DIPK1A: variants seen among roughly 807,000 people sequenced by gnomAD.
DIPK1A encodes divergent protein kinase domain 1A.
Under a neutral mutation model 40.8 loss-of-function variants are expected in DIPK1A, and 27 were observed. The ratio of observed to expected loss-of-function variants is 0.66; its 90% CI spans 0.49 to 0.91. The LOEUF (loss-of-function observed/expected upper bound fraction) is 0.91. DIPK1A is among the 40% of genes least tolerant of loss of function. The pLI is 0.00. For synonymous variants in DIPK1A, 166 were observed against 171.3 expected, an observed-to-expected ratio of 0.97 and a Z score of 0.24; for missense variants, 412 against 505.7, an observed-to-expected ratio of 0.81 and a Z score of 1.78.
chr1:92,835,139 G>C, intron 4 of DIPK1A: 1 of 599,926 alleles, frequency 1.7e-6, no homozygotes, highest in Admixed American at 2.8e-5. Context: ...TGCCACTAGC[G>C]ACCTGCAGCT....
chr1:92,959,923 T>TTTTTTTTTTTTTTTC, intron 1 of DIPK1A, among the ~76,000 whole-genome samples: 1 of 126,202 alleles, frequency 7.9e-6, no homozygotes, highest in Non-Finnish European at 1.7e-5. Flanking sequence ...TTTTTTTTTT[T>TTTTTTTTTTTTTTTC]TTTTGTATTT....
rs1553125720 is a variant in DIPK1A at position 92,861,321 on chromosome 1, C to CTCTTTT, written c.190-10367_190-10366insAAAAGA. Among the ~76,000 whole-genome samples, 33 of 83,548 alleles carry CTCTTTT rather than the reference C, an allele frequency of 3.9e-4. 1 individual carries two copies. Among genetic ancestry groups the CTCTTTT allele is most frequent in the East Asian group, 7.8e-4 (2 of 2,576 alleles). The allele number at this position is 83,548 out of a possible 152,430, so 54.8% of individuals were successfully genotyped here. A position where few individuals can be genotyped will look rare whatever the true frequency, so the allele number is the denominator to read the frequency against. Reference sequence around the variant, plus strand: ...AATAGCTTTTCTATTCTCTCTCTCTCTTTTTTTTTTTTTTTTTTTTTTTGA... The same window carrying CTCTTTT: ...AATAGCTTTTCTATTCTCTCTCTCTCTCTTTTTTTTTTTTTTTTTTTTTTTTTTTGA... On this transcript the variant is annotated intron_variant, in intron 2 of 4. Coordinates refer to ENST00000370310, the MANE Select transcript of DIPK1A (RefSeq NM_001006605.5).
chr1:92,930,088 C>T (rs1650686344), intron 1 of DIPK1A, among the ~76,000 whole-genome samples: 1 of 152,200 alleles, frequency 6.6e-6, no homozygotes, highest in Non-Finnish European at 1.5e-5. Flanking sequence ...TCCCTCTAGC[C>T]TTATTCCTTG....
intron 4 of DIPK1A, among the ~76,000 whole-genome samples, chr1:92,834,104 T>C (rs1687023058): frequency 6.6e-6 from 1 of 152,124 alleles, no homozygotes; most frequent in African/African-American, 2.4e-5. Flanking sequence ...ACCTAGTTTA[T>C]GTGTGTGGGG....
chr1:92,892,467 A>ACAGAAAGGACATCCACAC (rs980979079), intron 1 of DIPK1A, among the ~76,000 whole-genome samples: 12 of 152,134 alleles, frequency 7.9e-5, no homozygotes, highest in South Asian at 4.1e-4. Context: ...AAACTAACAA[A>ACAGAAAGGACATCCACAC]CAGAAAGGAC....
intron 1 of DIPK1A, 21 bp downstream of exon 1, chr1:92,961,355 G>A: frequency 1.3e-6 from 2 of 1,495,644 alleles, no homozygotes; most frequent in Non-Finnish European, 1.8e-6. Context: ...GCAGCTGGTG[G>A]CTGGGCGGCC....
At position 92,900,490 on chromosome 1, in the gene DIPK1A, T is replaced by C. The variant is rs184429963; in HGVS notation, c.55-24060A>G. On this transcript the variant is annotated intron_variant, in intron 1 of 4. Coordinates refer to ENST00000370310, the MANE Select transcript of DIPK1A (RefSeq NM_001006605.5). ...GATTCTATCTCTTTGTTGAATTTCT[T>C]GGTCATATCATGAATTGTTTTCCTG... Among the ~76,000 whole-genome samples, 11 of 152,338 alleles carry C rather than the reference T, an allele frequency of 7.2e-5. No individual in the cohort carries two copies. In the East Asian group the frequency reaches 1.7e-3, roughly 24 times the overall value.
intron 1 of DIPK1A, among the ~76,000 whole-genome samples, chr1:92,945,173 A>G (rs1340788347): frequency 6.6e-6 from 1 of 152,154 alleles, no homozygotes; most frequent in East Asian, 1.9e-4. Flanking sequence ...GTAAGAAGAA[A>G]AAAAAGAAGG....
intron 1 of DIPK1A, among the ~76,000 whole-genome samples, chr1:92,957,378 A>G (rs1274612489): frequency 1.3e-5 from 2 of 152,248 alleles, no homozygotes; most frequent in African/African-American, 4.8e-5. Flanking sequence ...ACTCTGTTCA[A>G]TGTGCTGCAT....
chr1:92,839,745 C>T (rs12059672), downstream of DIPK1A, among the ~76,000 whole-genome samples: 3 of 152,134 alleles, frequency 2.0e-5, no homozygotes, highest in African/African-American at 4.8e-5. Context: ...AAATGAGAAG[C>T]GCAATATTTG....
downstream of DIPK1A, among the ~76,000 whole-genome samples, chr1:92,839,727 A>G (rs1470676998): frequency 6.6e-6 from 1 of 152,268 alleles, no homozygotes; most frequent in Non-Finnish European, 1.5e-5. Flanking sequence ...TAGGTCAGAC[A>G]GTATTTAAAA....
intron 2 of DIPK1A, among the ~76,000 whole-genome samples, chr1:92,865,299 G>C (rs1254692529): frequency 6.6e-6 from 1 of 151,936 alleles, no homozygotes; most frequent in East Asian, 1.9e-4. Context: ...GGAATTCAAG[G>C]CTGCAGTGAG....
intron 1 of DIPK1A, among the ~76,000 whole-genome samples, chr1:92,904,369 A>T (rs1649525625): frequency 6.6e-6 from 1 of 152,172 alleles, no homozygotes; most frequent in South Asian, 2.1e-4. Context: ...TTACCCAAAG[A>T]TCCTCATGAA....
intron 2 of DIPK1A, among the ~76,000 whole-genome samples, chr1:92,860,380 G>A (rs1647205730): frequency 6.6e-6 from 1 of 151,964 alleles, no homozygotes; most frequent in Admixed American, 6.6e-5. Context: ...AGAATTATTG[G>A]TTCAGAATTT....
At chr1:92,935,452 A>G (rs1204471530) in intron 1 of DIPK1A, among the ~76,000 whole-genome samples, 1 of 152,218 alleles carries the variant, frequency 6.6e-6, no homozygotes, top group Non-Finnish European at 1.5e-5. Flanking sequence ...CAATTAATAA[A>G]TTCTGAATCT....
chr1:92,853,097 T>C (rs1046766934), intron 2 of DIPK1A, among the ~76,000 whole-genome samples: 1 of 151,670 alleles, frequency 6.6e-6, no homozygotes. Flanking sequence ...GGTTGAGAAA[T>C]GCAAGCAAAA....
At chr1:92,893,306 G>A (rs992119001) in intron 1 of DIPK1A, among the ~76,000 whole-genome samples, 5 of 151,556 alleles carry the variant, frequency 3.3e-5, no homozygotes, top group East Asian at 3.9e-4. Flanking sequence ...CGGATCTCTC[G>A]GCAGAAACTC....
downstream of DIPK1A, among the ~76,000 whole-genome samples, chr1:92,839,314 G>A (rs1557443099): frequency 5.9e-5 from 9 of 152,130 alleles, no homozygotes; most frequent in Admixed American, 4.6e-4. Context: ...AGCTGGGATC[G>A]CGCTACTGCA....
In DIPK1A at chr1:92,959,903, C is replaced by CTTTTTTTTTTTTTTTTTTT. The variant is rs1157142089; in HGVS notation, c.54+1454_54+1472dup. Among the ~76,000 whole-genome samples, 274 of 47,856 alleles carry CTTTTTTTTTTTTTTTTTTT rather than the reference C, an allele frequency of 5.7e-3. 11 individuals are homozygous for CTTTTTTTTTTTTTTTTTTT. The highest frequency in any genetic ancestry group is 0.017 in the East Asian group (20 of 1,154). The allele number at this position is 47,856 out of a possible 152,430, so 31.4% of individuals were successfully genotyped here. A position where few individuals can be genotyped will look rare whatever the true frequency, so the allele number is the denominator to read the frequency against. ...GCTGGGACCACAGGCACCCAACCAA[C>CTTTTTTTTTTTTTTTTTTT]TTTTTTTTTTTTTTTTTTTTTTTTG... is the stretch of plus-strand genomic sequence containing the variant. On this transcript the variant is annotated intron_variant, in intron 1 of 4. Coordinates refer to ENST00000370310, the MANE Select transcript of DIPK1A (RefSeq NM_001006605.5).
Sources: gnomAD v4.1 joint callset for allele counts (sites outside exome capture counted in the v4.1 genomes callset) on GRCh38, gnomAD v4.1.1 for gene constraint, MANE v1.5 for transcripts, NCBI Gene and HGNC (gene_info 2026-07-23, HGNC 2026-07-21) for gene names.